The following HTT variants were observed in gnomAD, a reference collection of about 807,000 sequenced individuals.
HTT encodes the protein huntingtin.
In HTT, 104 loss-of-function variants were observed where a neutral mutation model predicts 362.3. The ratio of observed to expected loss-of-function variants is 0.29; its 90% CI spans 0.24 to 0.34. The LOEUF (loss-of-function observed/expected upper bound fraction) is 0.34. Ranked by LOEUF, HTT falls within the 10% of genes least tolerant of loss-of-function variation. The pLI is 1.00. For synonymous variants in HTT, 1,577 were observed against 1,548.7 expected, an observed-to-expected ratio of 1.02 and a Z score of -0.43; for missense variants, 3,301 against 3,928.6, an observed-to-expected ratio of 0.84 and a Z score of 4.27.
At chr4:3,114,829 A>G (rs1039948384) in intron 6 of HTT, among the ~76,000 whole-genome samples, 1 of 152,210 alleles carries the variant, frequency 6.6e-6, no homozygotes, top group Non-Finnish European at 1.5e-5. Flanking sequence ...TGTGGGTAGT[A>G]TGCGGTCATG....
chr4:3,147,536 C>T (rs1243484118), intron 25 of HTT, among the ~76,000 whole-genome samples: 1 of 152,058 alleles, frequency 6.6e-6, no homozygotes, highest in Non-Finnish European at 1.5e-5. Context: ...CTTCAGGGGG[C>T]TATAGGAGAG....
At position 3,209,867 on chromosome 4, in the gene HTT, G is replaced by C. The variant is rs1319132909; in HGVS notation, c.6332G>C (p.Arg2111Thr). 1.9e-6 allele frequency: 3 copies of C among 1,614,062 alleles called. No homozygotes were observed. The highest frequency in any genetic ancestry group is 2.5e-6 in the Non-Finnish European group (3 of 1,180,020). ...VHLVKSQCWT[R>T]SDSALLEGAE... Reference sequence around the variant, plus strand: ...CTTGTCAAATCCCAGTGTTGGACCAGGTCAGATTCTGCACTGCTGGAAGGT... The same window carrying C: ...CTTGTCAAATCCCAGTGTTGGACCACGTCAGATTCTGCACTGCTGGAAGGT... Residue 2111 changes from arginine (R) to threonine (T), a missense_variant, in exon 47 of 67, where the codon AGG becomes ACG. Transcript: ENST00000355072.
rs145856149 is a variant in HTT, at chr4:3,235,496, C to T, written c.8572-69C>T. ...ACCAGTGGGCCAGTTTTGACTTGGT[C>T]GGGAGGAGGCATGAACACCTGAGAC... On this transcript the variant is annotated intron_variant, in intron 62 of 66. Transcript: ENST00000355072. 5.8e-3 allele frequency: 9,008 copies of T among 1,543,518 alleles called. 37 individuals carry two copies. The highest frequency in any genetic ancestry group is 8.2e-3 in the Middle Eastern group (49 of 5,940).
rs1461907867 is a variant in HTT, at chr4:3,074,860, A to C, written c.35A>C (p.Glu12Ala). ...CTGGAAAAGCTGATGAAGGCCTTCG[A>C]GTCCCTCAAGTCCTTCCAGCAGCAG... ...ATLEKLMKAF[E>A]SLKSFQQQQQ... The change falls in exon 1 of 67, where the codon GAG (glutamate) becomes GCG (alanine). Residue 12 changes from glutamate to alanine, a missense_variant. Physicochemically the swap from Glu to Ala is moderately radical, Grantham distance 107. Transcript: ENST00000355072. The C allele has an allele frequency of 6.6e-7, 1 of 1,514,226 alleles. No individual in the cohort carries two copies. The highest frequency in any genetic ancestry group is 2.6e-5 in the East Asian group (1 of 38,376). The allele number at this position is 1,514,226 out of a possible 1,614,324, so 93.8% of individuals were successfully genotyped here. A position where few individuals can be genotyped will look rare whatever the true frequency, so the allele number is the denominator to read the frequency against.
chr4:3,127,322 A>C lies in HTT; in HGVS notation c.1461A>C (p.Pro487=), dbSNP rs553963536. The C allele has an allele frequency of 4.3e-6, 7 of 1,614,202 alleles. No individual in the cohort carries two copies. In the African/African-American group the frequency reaches 5.3e-5, roughly 12 times the overall value. The change falls in exon 12 of 67, where the codon CCA becomes CCC. Residue 487 remains proline, a synonymous_variant. Coordinates refer to ENST00000355072, the MANE Select transcript of HTT (RefSeq NM_001388492.1). Reference sequence around the variant, plus strand: ...CTGCTTCTTCAGGGGTTTCCACTCCAGGGTCAGCAGGTCATGACATCATCA... The same window carrying C: ...CTGCTTCTTCAGGGGTTTCCACTCCCGGGTCAGCAGGTCATGACATCATCA... ...ELAASSGVST[P]GSAGHDIITE...
At chr4:3,078,525 C>T (rs1712686501) in intron 1 of HTT, among the ~76,000 whole-genome samples, 1 of 152,124 alleles carries the variant, frequency 6.6e-6, no homozygotes, top group Non-Finnish European at 1.5e-5. Flanking sequence ...AGACAAATTC[C>T]AAAAGAGCTG....
intron 63 of HTT, 81 bp downstream of exon 63, chr4:3,235,859 G>A (rs938358621): frequency 7.4e-6 from 8 of 1,084,514 alleles, no homozygotes; most frequent in Admixed American, 2.0e-5. Flanking sequence ...AAGGGACCTC[G>A]ACTAGGTGCC....
chr4:3,200,941 T>C (rs1270120661), intron 41 of HTT, among the ~76,000 whole-genome samples: 1 of 152,238 alleles, frequency 6.6e-6, no homozygotes, highest in African/African-American at 2.4e-5. Flanking sequence ...AGCAGATCAC[T>C]CCTTTTCTGA....
chr4:3,223,928 G>A (rs997719703), intron 55 of HTT, 64 bp from the exon 56 acceptor site: 2 of 1,560,178 alleles, frequency 1.3e-6, no homozygotes, highest in African/African-American at 1.4e-5. Flanking sequence ...GAAAGTTCTG[G>A]TGTTTTTCAC....
chr4:3,089,488 C>T (rs1215154596), intron 2 of HTT, among the ~76,000 whole-genome samples: 2 of 152,264 alleles, frequency 1.3e-5, no homozygotes, highest in African/African-American at 2.4e-5. Context: ...CTCCTGACCT[C>T]GTGATCCGCC....
At chr4:3,174,474 G>C (rs144931246) in intron 31 of HTT, among the ~76,000 whole-genome samples, 2 of 152,206 alleles carry the variant, frequency 1.3e-5, no homozygotes, top group Non-Finnish European at 2.9e-5. Flanking sequence ...AAAAAGCTCA[G>C]ACTTGAGTAG....
At chr4:3,108,818 G>A (rs1714572487) in intron 6 of HTT, among the ~76,000 whole-genome samples, 1 of 152,106 alleles carries the variant, frequency 6.6e-6, no homozygotes, top group Non-Finnish European at 1.5e-5. Flanking sequence ...GGCTGAGGTA[G>A]GAGGATTGCT....
At chr4:3,198,251 A>T in intron 40 of HTT, among the ~76,000 whole-genome samples, 3 of 106,722 alleles carry the variant, frequency 2.8e-5, no homozygotes, top group East Asian at 3.1e-4. Context: ...TTTGAGATAG[A>T]GTCTCGCTCC....
At position 3,074,945 on chromosome 4, in the gene HTT, A is replaced by ACCACCGCCG; in HGVS notation, c.122_123insACCGCCGCC (p.Pro47_Pro49dup). 2 of 1,209,094 alleles carry ACCACCGCCG rather than the reference A, an allele frequency of 1.7e-6. No individual in the cohort carries two copies. Among genetic ancestry groups the ACCACCGCCG allele is most frequent in the South Asian group, 1.4e-5 (1 of 73,078 alleles). 74.9% of individuals were successfully genotyped at this position (1,209,094 alleles called of 1,614,324 possible). ...AGCAGCAGCAGCAGCAACAGCCGCC[A>ACCACCGCCG]CCGCCGCCGCCGCCGCCGCCGCCTC... On this transcript the variant is annotated inframe_insertion, in exon 1 of 67. Coordinates refer to ENST00000355072, the MANE Select transcript of HTT (RefSeq NM_001388492.1).
At chr4:3,220,136 GT>G (rs771802045) in intron 52 of HTT, 45 bp from the exon 53 acceptor site, 1 of 1,611,992 alleles carries the variant, frequency 6.2e-7, no homozygotes, top group East Asian at 2.2e-5. Context: ...CAGTATGTCT[GT>G]CCTGACTCAA....
intron 60 of HTT, among the ~76,000 whole-genome samples, chr4:3,232,009 AC>A (rs1721276704): frequency 6.6e-6 from 1 of 152,080 alleles, no homozygotes; most frequent in Admixed American, 6.5e-5. Context: ...CTTGGTACCC[AC>A]GTATCCAGAG....
At chr4:3,158,885 A>C (rs1455397986) in intron 28 of HTT, among the ~76,000 whole-genome samples, 1 of 152,098 alleles carries the variant, frequency 6.6e-6, no homozygotes, top group Non-Finnish European at 1.5e-5. Context: ...GCACCTTTCC[A>C]TGCTCCTAGT....
In HTT at chr4:3,112,972, T is replaced by C. The variant is rs563269391; in HGVS notation, c.748-2332T>C. The C allele has an allele frequency of 1.0e-5, 9 of 888,084 alleles. No homozygotes were observed. The African/African-American group carries it at 1.4e-4, about 14-fold the overall frequency. 55.0% of individuals were successfully genotyped at this position (888,084 alleles called of 1,614,324 possible). ...TGTTTTCTGGAATCACATTATGATTTTAATTTCCATTCCTTAAAGTACCCT... is the reference window on the plus strand; with the variant it reads ...TGTTTTCTGGAATCACATTATGATTCTAATTTCCATTCCTTAAAGTACCCT... On this transcript the variant is annotated intron_variant, in intron 6 of 66. Coordinates refer to ENST00000355072, the MANE Select transcript of HTT (RefSeq NM_001388492.1).
At position 3,130,415 on chromosome 4, in the gene HTT, G is replaced by A. The variant is rs547978890; in HGVS notation, c.1978G>A (p.Glu660Lys). 1.1e-5 allele frequency: 18 copies of A among 1,581,360 alleles called. No individual in the cohort carries two copies. The East Asian group carries it at 3.6e-4, about 32-fold the overall frequency. The change falls in exon 14 of 67, where the codon GAA becomes AAA. Residue 660 changes from glutamate to lysine, a missense_variant. By Grantham distance (56) the Glu-to-Lys change is moderately conservative. Transcript: ENST00000355072. ...TGAAGCTACTGAACCGGGTGATCAA[G>A]AAAACAAGGTGAGGGACATAGGCTT... ...RDEATEPGDQENKPCRIKGDI... is the reference protein window; with the variant it reads ...RDEATEPGDQKNKPCRIKGDI...
Sources: gnomAD v4.1 joint callset for allele counts (sites outside exome capture counted in the v4.1 genomes callset) on GRCh38, gnomAD v4.1.1 for gene constraint, MANE v1.5 for transcripts, NCBI Gene and HGNC (gene_info 2026-07-23, HGNC 2026-07-21) for gene names.